Variants in RIN3 observed in about 807,000 individuals in gnomAD.
RIN3 encodes the protein RAB5 interacting protein 3.
RIN3 carries 54 observed loss-of-function variants against 76.3 expected under a neutral mutation model. The observed-to-expected ratio is 0.71, with a 90% CI of 0.57 to 0.89. The LOEUF (loss-of-function observed/expected upper bound fraction) is 0.89, where lower values mean the gene tolerates loss of function less well. RIN3 is among the 40% of genes least tolerant of loss of function. The pLI is 0.00. For missense variants in RIN3, 1,256 were observed against 1,322.1 expected (o/e 0.95, Z 0.78); for synonymous variants, 576 against 564.0 (o/e 1.02, Z -0.30).
chr14:92,529,058 C>T (rs1439720507), intron 1 of RIN3, among the ~76,000 whole-genome samples: 3 of 152,252 alleles, frequency 2.0e-5, no homozygotes, highest in African/African-American at 7.2e-5. Context: ...AATGCTACAG[C>T]AGCCCCCAGA....
intron 1 of RIN3, among the ~76,000 whole-genome samples, chr14:92,540,432 C>T (rs1267129769): frequency 6.6e-6 from 1 of 152,254 alleles, no homozygotes; most frequent in Admixed American, 6.5e-5. Context: ...CTTGGAGCCA[C>T]AAGCATCTGT....
chr14:92,570,659 C>CAA lies in RIN3; in HGVS notation c.250-6689_250-6688dup, dbSNP rs11393617. Among the ~76,000 whole-genome samples, 769 of 144,748 alleles carry CAA rather than the reference C, an allele frequency of 5.3e-3. 7 individuals are homozygous for CAA. Among genetic ancestry groups the CAA allele is most frequent in the East Asian group, 0.044 (217 of 4,988 alleles). The allele number at this position is 144,748 out of a possible 152,430, so 95.0% of individuals were successfully genotyped here. A position where few individuals can be genotyped will look rare whatever the true frequency, so the allele number is the denominator to read the frequency against. ...CCTCAGCGACAAAGTGAGACTGTCT[C>CAA]AAAAAAAAAAAAAGAAGTGACATTC... On this transcript the variant is annotated intron_variant, in intron 2 of 9. Coordinates refer to ENST00000216487, the MANE Select transcript of RIN3 (RefSeq NM_024832.5).
In RIN3 at chr14:92,648,049, G is replaced by A. The variant is rs1407940450; in HGVS notation, c.533-3533G>A. The stretch of plus-strand genomic sequence containing the variant: ...GACACAGGGTTCTGTTTCTCCCCTG[G>A]CCTTGGCGTTCTCAGGCTGCAGAGA... On this transcript the variant is annotated intron_variant, in intron 5 of 9. Coordinates refer to ENST00000216487, the MANE Select transcript of RIN3 (RefSeq NM_024832.5). The surrounding 1 kb of genome is among the most constrained non-coding windows in gnomAD (Gnocchi z 4.1). Among the ~76,000 whole-genome samples the A allele has an allele frequency of 6.6e-6, 1 of 151,304 alleles. No individual in the cohort carries two copies. Among genetic ancestry groups the A allele is most frequent in the East Asian group, 1.9e-4 (1 of 5,168 alleles).
chr14:92,527,573 C>G (rs1210918738), intron 1 of RIN3, among the ~76,000 whole-genome samples: 1 of 152,142 alleles, frequency 6.6e-6, no homozygotes, highest in Admixed American at 6.5e-5. Flanking sequence ...TACGTTTCTG[C>G]ACGTTTTGAC....
rs1888981597 is a variant in RIN3, at chr14:92,688,886, C to T, written c.*634C>T. On this transcript the variant is annotated 3_prime_UTR_variant, in exon 10 of 10. Transcript: ENST00000216487. ...CGCGGACCCATGGACAAGCCCAGCC[C>T]CGCCTCAGGGAAAACAGGGCCTTTC... The T allele has an allele frequency of 6.5e-6, 1 of 152,930 alleles. No homozygotes were observed. Among genetic ancestry groups the T allele is most frequent in the Non-Finnish European group, 1.5e-5 (1 of 68,674 alleles). The allele number at this position is 152,930 out of a possible 1,614,324, so 9.5% of individuals were successfully genotyped here.
intron 4 of RIN3, among the ~76,000 whole-genome samples, chr14:92,630,495 AAG>A (rs1886536797): frequency 6.6e-6 from 1 of 152,164 alleles, no homozygotes; most frequent in South Asian, 2.1e-4. Flanking sequence ...CTGTCTAAAA[AAG>A]AAACAGCACC....
chr14:92,578,246 A>AG (rs1210140134), intron 3 of RIN3, among the ~76,000 whole-genome samples: 4 of 151,888 alleles, frequency 2.6e-5, no homozygotes, highest in African/African-American at 9.7e-5. Flanking sequence ...AAAAAAAAAA[A>AG]AAAGAAAAAA....
At position 92,538,652 on chromosome 14, in the gene RIN3, T is replaced by C. The variant is rs185993232; in HGVS notation, c.45-17099T>C. On this transcript the variant is annotated intron_variant, in intron 1 of 9. Transcript: ENST00000216487. ...GATCTATTCTAGAAGGGAAATGGCC[T>C]ACACTGTGCGGTCTTAGCCAGAACA... Among the ~76,000 whole-genome samples, 5 of 152,336 alleles carry C rather than the reference T, an allele frequency of 3.3e-5. No individual in the cohort carries two copies. The East Asian group carries it at 9.6e-4, about 29-fold the overall frequency.
At chr14:92,578,997 G>T (rs1898346771) in intron 3 of RIN3, among the ~76,000 whole-genome samples, 1 of 151,198 alleles carries the variant, frequency 6.6e-6, no homozygotes, top group Non-Finnish European at 1.5e-5. Context: ...GCGTGATCTT[G>T]GCTCACTGCA....
At chr14:92,528,414 A>G (rs1182527392) in intron 1 of RIN3, among the ~76,000 whole-genome samples, 2 of 152,212 alleles carry the variant, frequency 1.3e-5, no homozygotes, top group African/African-American at 2.4e-5. Flanking sequence ...GTAAAATGAC[A>G]GCCTCTAATT....
At chr14:92,574,453 G>C (rs1898155268) in intron 2 of RIN3, among the ~76,000 whole-genome samples, 3 of 152,156 alleles carry the variant, frequency 2.0e-5, no homozygotes, top group African/African-American at 2.4e-5. Flanking sequence ...AACATACCTG[G>C]CTTCCAGGTA....
chr14:92,531,148 G>A (rs551168454), intron 1 of RIN3, among the ~76,000 whole-genome samples: 202 of 152,246 alleles, frequency 1.3e-3, no homozygotes, highest in Non-Finnish European at 2.4e-3. Context: ...AGCACCGATG[G>A]GGTGGCTTAC....
chr14:92,538,778 T>G (rs1437349457), intron 1 of RIN3, among the ~76,000 whole-genome samples: 2 of 152,168 alleles, frequency 1.3e-5, no homozygotes, highest in Admixed American at 1.3e-4. Context: ...TCAAGTTGTT[T>G]TAATTGTTTT....
intron 5 of RIN3, among the ~76,000 whole-genome samples, chr14:92,651,260 A>AC (rs1248854662): frequency 6.6e-6 from 1 of 151,344 alleles, no homozygotes; most frequent in Non-Finnish European, 1.5e-5. Flanking sequence ...CAGTGTTGTC[A>AC]CCCCCCACCC....
At chr14:92,649,688 G>C (rs566308960) in intron 5 of RIN3, among the ~76,000 whole-genome samples, 1 of 152,208 alleles carries the variant, frequency 6.6e-6, no homozygotes, top group Admixed American at 6.5e-5. Context: ...AGAGCAGCTC[G>C]TCCAGGCCCT....
intron 1 of RIN3, among the ~76,000 whole-genome samples, chr14:92,532,446 T>A (rs1056810322): frequency 6.6e-6 from 1 of 152,130 alleles, no homozygotes; most frequent in Non-Finnish European, 1.5e-5. Context: ...TCCTCACAAC[T>A]AATCCCATGG....
In RIN3 at chr14:92,613,211, T is replaced by C. The variant is rs571629815; in HGVS notation, c.368-2196T>C. ...CCCCTCTCTGCTGCCGGAAGTCTTT[T>C]GACCCCAGCCTCCCTTGGCCACACC... On this transcript the variant is annotated intron_variant, in intron 3 of 9. Coordinates refer to ENST00000216487, the MANE Select transcript of RIN3 (RefSeq NM_024832.5). Among the ~76,000 whole-genome samples, 3 of 152,300 alleles carry C rather than the reference T, an allele frequency of 2.0e-5. No individual in the cohort carries two copies. In the East Asian group the frequency reaches 5.8e-4, roughly 29 times the overall value.
intron 2 of RIN3, among the ~76,000 whole-genome samples, chr14:92,558,439 G>A (rs1897662456): frequency 6.6e-6 from 1 of 152,232 alleles, no homozygotes; most frequent in South Asian, 2.1e-4. Context: ...CAGGCTCTGT[G>A]CTTTGCAGAT....
intron 6 of RIN3, among the ~76,000 whole-genome samples, chr14:92,658,911 A>G (rs919906701): frequency 2.6e-5 from 4 of 152,182 alleles, no homozygotes; most frequent in Non-Finnish European, 5.9e-5. Flanking sequence ...GCCCTGTGAA[A>G]AGCATCAGGA....
Sources: allele counts gnomAD v4.1 joint callset (sites outside exome capture counted in the v4.1 genomes callset), GRCh38; gene constraint gnomAD v4.1.1; non-coding constraint Gnocchi (gnomAD v3.1); transcripts MANE v1.5; gene names NCBI Gene and HGNC (gene_info 2026-07-23, HGNC 2026-07-21).